The following CCDC183 variants were observed in gnomAD, a reference collection of about 807,000 sequenced individuals.
CCDC183 encodes coiled-coil domain containing 183.
A neutral mutation model predicts 65.2 loss-of-function variants in CCDC183; 63 were observed. The ratio of observed to expected loss-of-function variants is 0.97; its 90% CI spans 0.79 to 1.19. CCDC183 has a LOEUF of 1.19. Among genes scored for constraint, CCDC183 ranks in the 50% most tolerant of loss-of-function variants. The pLI is 0.00. For missense variants in CCDC183, 769 were observed against 689.3 expected (o/e 1.12, Z -1.30); for synonymous variants, 323 against 276.5 (o/e 1.17, Z -1.67).
At chr9:136,805,526 C>T in intron 9 of CCDC183, 69 bp downstream of exon 9, 1 of 1,380,702 alleles carries the variant, frequency 7.2e-7, no homozygotes, top group Non-Finnish European at 1.0e-6. Context: ...GGTAATGCTC[C>T]CTGGCACTCC....
Position 136,805,400 on chromosome 9 carries a change from G to C in CCDC183, c.891G>C (p.Ser297=), listed in dbSNP as rs149692353. 1.2e-6 allele frequency: 2 copies of C among 1,614,022 alleles called. No homozygotes were observed. The highest frequency in any genetic ancestry group is 1.7e-4 in the Middle Eastern group (1 of 6,060). ...ETSTAEMEYQ[S]GVTAVVEKVK... is the part of the protein sequence containing the mutation. The stretch of plus-strand genomic sequence containing the variant: ...CCACAGCAGAAATGGAATACCAGTC[G>C]GGCGTGACTGCTGTGGTGGAGAAGG... The change falls in exon 9 of 14, where the codon TCG becomes TCC. Residue 297 remains serine (S), a synonymous_variant. Coordinates refer to ENST00000338005, the MANE Select transcript of CCDC183 (RefSeq NM_001039374.5).
chr9:136,801,561 C>T (rs1214390745), intron 5 of CCDC183, among the ~76,000 whole-genome samples: 1 of 151,930 alleles, frequency 6.6e-6, no homozygotes. Context: ...CAAAAAGTAG[C>T]CTGGCATGGT....
At chr9:136,805,878 C>G (rs1847835872) in intron 9 of CCDC183, among the ~76,000 whole-genome samples, 200 bp from the exon 10 acceptor site, 1 of 152,202 alleles carries the variant, frequency 6.6e-6, no homozygotes. Context: ...CCTGTGGTCC[C>G]AGCTACTCAG....
At chr9:136,806,326 C>T (rs1847849230) in intron 10 of CCDC183, 88 bp downstream of exon 10, 3 of 1,433,928 alleles carry the variant, frequency 2.1e-6, no homozygotes, top group Non-Finnish European at 9.5e-7. Context: ...GGGAGTATAC[C>T]CACTGCCAAC....
intron 2 of CCDC183, 53 bp downstream of exon 2, chr9:136,799,276 TAC>T: frequency 4.5e-6 from 7 of 1,542,506 alleles, no homozygotes; most frequent in South Asian, 2.5e-5. Context: ...AGGAGCTGAG[TAC>T]ACACACACTC....
rs1159058528 is a variant in CCDC183 at position 136,806,246 on chromosome 9, G to C, written c.1109+8G>C. The C allele has an allele frequency of 7.6e-6, 12 of 1,584,262 alleles. No homozygotes were observed. Among genetic ancestry groups the C allele is most frequent in the Admixed American group, 1.8e-5 (1 of 56,294 alleles). On this transcript the variant is annotated splice_region_variant and intron_variant, in intron 10 of 13. Transcript: ENST00000338005. The stretch of plus-strand genomic sequence containing the variant: ...GAAGCCTAGCTCCATCAGGTGCCCC[G>C]GGCTTCCGGGGCTGCGGGCCACCCA...
rs200265456 is a variant in CCDC183, at chr9:136,800,114, T to C, written c.383T>C (p.Leu128Pro). 1.2e-4 allele frequency: 192 copies of C among 1,536,664 alleles called. No homozygotes were observed. Among genetic ancestry groups the C allele is most frequent in the Admixed American group, 6.6e-4 (33 of 50,334 alleles). The change falls in exon 4 of 14, where the codon CTG becomes CCG. Residue 128 changes from leucine (L) to proline (P), a missense_variant. Transcript: ENST00000338005. ...GQKLESMQLE[L>P]DSLRSQPDAS... is the part of the protein sequence containing the mutation. ...AAGCTGGAGAGCATGCAGCTGGAGC[T>C]GGACAGCCTGCGGAGCCAGCCCGAC... is the stretch of plus-strand genomic sequence containing the variant.
In CCDC183 at chr9:136,799,708, C is replaced by T; in HGVS notation, c.193-5C>T. On this transcript the variant is annotated splice_region_variant and splice_polypyrimidine_tract_variant and intron_variant, in intron 2 of 13. Transcript: ENST00000338005. Reference sequence around the variant, plus strand: ...CGCTCTAGCTCAGCCGCCGCCGCTCCGCAGTATGACCAGTGGACCATCTCC... The same window carrying T: ...CGCTCTAGCTCAGCCGCCGCCGCTCTGCAGTATGACCAGTGGACCATCTCC... 4 of 1,612,378 alleles carry T rather than the reference C, an allele frequency of 2.5e-6. No individual in the cohort carries two copies. The highest frequency in any genetic ancestry group is 3.4e-6 in the Non-Finnish European group (4 of 1,179,624).
rs773047437 is a variant in CCDC183 at position 136,806,687 on chromosome 9, G to T, written c.1278+15G>T. On this transcript the variant is annotated intron_variant, in intron 11 of 13. Transcript: ENST00000338005. Reference sequence around the variant, plus strand: ...CTGCGACCCAGGTACCGGGAGTGAGGCTGAGCTGCCACACACCAGGTCCCT... The same window carrying T: ...CTGCGACCCAGGTACCGGGAGTGAGTCTGAGCTGCCACACACCAGGTCCCT... 2 of 1,613,182 alleles carry T rather than the reference G, an allele frequency of 1.2e-6. No individual in the cohort carries two copies. The highest frequency in any genetic ancestry group is 1.7e-6 in the Non-Finnish European group (2 of 1,179,986).
intron 13 of CCDC183, 173 bp from the exon 14 acceptor site, chr9:136,807,399 A>T: frequency 1.2e-6 from 1 of 843,750 alleles, no homozygotes; most frequent in Non-Finnish European, 1.8e-6. Context: ...AAGGCTAGGC[A>T]GGGCAGCGTG....
At chr9:136,805,252 G>T (rs1847821876) in intron 8 of CCDC183, 105 bp from the exon 9 acceptor site, 2 of 898,258 alleles carry the variant, frequency 2.2e-6, no homozygotes, top group South Asian at 3.3e-5. Flanking sequence ...TGTGTCTTGG[G>T]TGGCCGCCCC....
chr9:136,806,373 A>T, intron 10 of CCDC183, 131 bp from the exon 11 acceptor site: 1 of 1,390,606 alleles, frequency 7.2e-7, no homozygotes, highest in South Asian at 1.3e-5. Context: ...AGGGGACTCC[A>T]CTTGCACACA....
rs1847699440 is a variant in CCDC183, at chr9:136,799,237, G to GCCCCT, written c.192+21_192+25dup. On this transcript the variant is annotated intron_variant, in intron 2 of 13. Transcript: ENST00000338005. Reference sequence around the variant, plus strand: ...TTGGCCAAGAAGGTACACAAACGCCGCCCCTCCCCTCTGCCTGGCGAGCAG... The same window carrying GCCCCT: ...TTGGCCAAGAAGGTACACAAACGCCGCCCCTCCCCTCCCCTCTGCCTGGCGAGCAG... The GCCCCT allele has an allele frequency of 6.3e-7, 1 of 1,585,332 alleles. No homozygotes were observed. The highest frequency in any genetic ancestry group is 1.8e-5 in the Admixed American group (1 of 56,622).
intron 1 of CCDC183, among the ~76,000 whole-genome samples, chr9:136,797,718 G>C (rs145455258): frequency 6.6e-5 from 10 of 152,084 alleles, no homozygotes; most frequent in African/African-American, 2.2e-4. Flanking sequence ...GATTACAGGC[G>C]TGAGCCACCA....
rs1313755900 is a variant in CCDC183, at chr9:136,800,176, AGGCGGGGCTGGGAG to A, written c.438+16_438+29del. 1 of 398,640 alleles carries A rather than the reference AGGCGGGGCTGGGAG, an allele frequency of 2.5e-6. No homozygotes were observed. Among genetic ancestry groups the A allele is most frequent in the Non-Finnish European group, 3.9e-6 (1 of 256,648 alleles). 24.7% of individuals were successfully genotyped at this position (398,640 alleles called of 1,614,324 possible). Reference sequence around the variant, plus strand: ...GGAGCTGCGGCTGCTGCAGGTGGAGAGGCGGGGCTGGGAGGGCGGGGCGGAGTCCACTGGGGCAA... The same window carrying A: ...GGAGCTGCGGCTGCTGCAGGTGGAGAGGCGGGGCGGAGTCCACTGGGGCAA... On this transcript the variant is annotated splice_region_variant and intron_variant, in intron 4 of 13. Coordinates refer to ENST00000338005, the MANE Select transcript of CCDC183 (RefSeq NM_001039374.5).
rs1398646417 is a variant in CCDC183, at chr9:136,800,461, C to T, written c.511C>T (p.Leu171=). 7.4e-6 allele frequency: 12 copies of T among 1,612,390 alleles called. No homozygotes were observed. Among genetic ancestry groups the T allele is most frequent in the Non-Finnish European group, 1.0e-5 (12 of 1,179,204 alleles). Residue 171 remains leucine, a synonymous_variant, in exon 5 of 14, where the codon CTG becomes TTG. Transcript: ENST00000338005. ...CATCACCAGCCAGAACATCCACCTG[C>T]TGTATTTGGACCTGCTGGATTATCT... is the stretch of plus-strand genomic sequence containing the variant. ...KIITSQNIHL[L]YLDLLDYLKT... is the part of the protein sequence containing the mutation.
chr9:136,801,866 C>T (rs1847740941), intron 5 of CCDC183, among the ~76,000 whole-genome samples: 1 of 151,744 alleles, frequency 6.6e-6, no homozygotes, highest in African/African-American at 2.4e-5. Context: ...CGGCTCACTG[C>T]AACCTCCGCC....
At chr9:136,800,802 G>A (rs1847727181) in intron 5 of CCDC183, 2 of 323,700 alleles carry the variant, frequency 6.2e-6, no homozygotes, top group Non-Finnish European at 1.2e-5. Flanking sequence ...GACAGGTCCT[G>A]CACCCTCAGA....
In CCDC183 at chr9:136,807,497, G is replaced by C. The variant is rs867545314; in HGVS notation, c.1487-75G>C. The C allele has an allele frequency of 3.4e-6, 5 of 1,482,178 alleles. No individual in the cohort carries two copies. The Middle Eastern group carries it at 6.3e-4, about 187-fold the overall frequency. The allele number at this position is 1,482,178 out of a possible 1,614,324, so 91.8% of individuals were successfully genotyped here. On this transcript the variant is annotated intron_variant, in intron 13 of 13. Transcript: ENST00000338005. ...CACCTGGCCCGGGTCGGTGGAGGGCGGGGGCGAGAGGCGGGTCGGGCGGCT... is the reference window on the plus strand; with the variant it reads ...CACCTGGCCCGGGTCGGTGGAGGGCCGGGGCGAGAGGCGGGTCGGGCGGCT...
Sources: gnomAD v4.1 joint callset for allele counts (sites outside exome capture counted in the v4.1 genomes callset) on GRCh38, gnomAD v4.1.1 for gene constraint, MANE v1.5 for transcripts, NCBI Gene and HGNC (gene_info 2026-07-23, HGNC 2026-07-21) for gene names.